Variants in COL22A1 observed in about 807,000 individuals in gnomAD.
COL22A1 encodes the protein collagen type XXII alpha 1 chain.
A neutral mutation model predicts 248.9 loss-of-function variants in COL22A1; 221 were observed. The ratio of observed to expected loss-of-function variants is 0.89; its 90% CI spans 0.80 to 0.99. COL22A1 has a LOEUF of 0.99. Ranked by LOEUF, COL22A1 falls within the 50% of genes least tolerant of loss-of-function variation. COL22A1 has a pLI of 0.00. For missense variants in COL22A1, 2,240 were observed against 2,179.0 expected (o/e 1.03, Z -0.56); for synonymous variants, 891 against 793.4 (o/e 1.12, Z -2.07).
intron 22 of COL22A1, among the ~76,000 whole-genome samples, chr8:138,739,237 C>T (rs1831367445): frequency 6.6e-6 from 1 of 152,166 alleles, no homozygotes. Flanking sequence ...TTCTCATTTC[C>T]ATGTACTTTT....
chr8:138,617,010 G>A (rs748647540), intron 53 of COL22A1, 52 bp from the exon 54 acceptor site: 2 of 1,602,488 alleles, frequency 1.2e-6, no homozygotes, highest in Admixed American at 3.3e-5. Flanking sequence ...TCTTGGGGCA[G>A]AAGTGGGCAG....
chr8:138,636,604 A>T, intron 48 of COL22A1, 138 bp downstream of exon 48: 1 of 694,566 alleles, frequency 1.4e-6, no homozygotes, highest in Non-Finnish European at 2.5e-6. Flanking sequence ...CCAAGATGAA[A>T]ACCATAAAAA....
intron 3 of COL22A1, among the ~76,000 whole-genome samples, chr8:138,862,230 T>G (rs1822538347): frequency 6.6e-6 from 1 of 151,594 alleles, no homozygotes; most frequent in Admixed American, 6.6e-5. Flanking sequence ...AATGAAGAAA[T>G]ACATAAATAA....
At position 138,685,117 on chromosome 8, in the gene COL22A1, T is replaced by C. The variant is rs1826240345; in HGVS notation, c.2967+91A>G. The C allele has an allele frequency of 3.2e-6, 3 of 925,130 alleles. No homozygotes were observed. In the South Asian group the frequency reaches 4.4e-5, roughly 13 times the overall value. 57.3% of individuals were successfully genotyped at this position (925,130 alleles called of 1,614,324 possible). A position where few individuals can be genotyped will look rare whatever the true frequency, so the allele number is the denominator to read the frequency against. On this transcript the variant is annotated intron_variant, in intron 38 of 64. Coordinates refer to ENST00000303045, the MANE Select transcript of COL22A1 (RefSeq NM_152888.3). ...ATTTCATTGGCCACGGTTCAATTTC[T>C]GCAAAGTTTGGCAGTTAGATTTTTT...
In COL22A1 at chr8:138,811,798, C is replaced by G. The variant is rs1195512505; in HGVS notation, c.1449+1G>C. 1 of 1,612,542 alleles carries G rather than the reference C, an allele frequency of 6.2e-7. No homozygotes were observed. Among genetic ancestry groups the G allele is most frequent in the Non-Finnish European group, 8.5e-7 (1 of 1,179,788 alleles). On this transcript the variant is annotated splice_donor_variant, in intron 9 of 64. Transcript: ENST00000303045. LOFTEE classifies it high-confidence loss of function. ...GGCTGAAGGTGGACTGCAGACAATA[C>G]CTTCTCTCCAGCTGGGCAGGAGCAG...
intron 35 of COL22A1, among the ~76,000 whole-genome samples, chr8:138,692,744 C>T (rs1827193528): frequency 6.6e-6 from 1 of 151,984 alleles, no homozygotes; most frequent in African/African-American, 2.4e-5. Context: ...GGAGAACACT[C>T]CCAGCTTCCT....
intron 21 of COL22A1, among the ~76,000 whole-genome samples, chr8:138,752,554 C>A (rs7837487): frequency 0.22 from 33,956 of 152,086 alleles, 4,663 homozygotes; most frequent in African/African-American, 0.4. Context: ...AAAGAGAAGG[C>A]CCTAAAGGCA....
chr8:138,810,154 G>A (rs747307977), intron 9 of COL22A1, among the ~76,000 whole-genome samples: 15 of 152,260 alleles, frequency 9.9e-5, no homozygotes, highest in Admixed American at 2.0e-4. Context: ...GAGGGAAGGA[G>A]GAAGGAAGGA....
At chr8:138,606,095 G>T (rs1386614778) in intron 58 of COL22A1, among the ~76,000 whole-genome samples, 1 of 152,214 alleles carries the variant, frequency 6.6e-6, no homozygotes, top group African/African-American at 2.4e-5. Flanking sequence ...AGAAGTAGAT[G>T]CTGTCGTTAT....
intron 3 of COL22A1, among the ~76,000 whole-genome samples, chr8:138,867,490 T>C (rs960915907): frequency 1.3e-5 from 2 of 152,178 alleles, no homozygotes; most frequent in Non-Finnish European, 2.9e-5. Context: ...TTGGTAACTA[T>C]CTGCCAGATT....
Position 138,780,965 on chromosome 8 carries a change from G to C in COL22A1, c.1612C>G (p.Pro538Ala), listed in dbSNP as rs1181125711. The C allele has an allele frequency of 6.2e-7, 1 of 1,607,224 alleles. No homozygotes were observed. The highest frequency in any genetic ancestry group is 8.5e-7 in the Non-Finnish European group (1 of 1,177,682). The change falls in exon 13 of 65, where the codon CCC (proline) becomes GCC (alanine). Residue 538 changes from proline (P) to alanine (A), a missense_variant. Coordinates refer to ENST00000303045, the MANE Select transcript of COL22A1 (RefSeq NM_152888.3). Reference protein sequence around the residue: ...EKGEKGSLGLPGPPGRDGSKG... With the variant: ...EKGEKGSLGLAGPPGRDGSKG... Reference sequence around the variant, plus strand: ...CTGCCGTCTCTCCCAGGGGGGCCGGGCAGGCCCAGGGAACCCTAAAGCCAA... The same window carrying C: ...CTGCCGTCTCTCCCAGGGGGGCCGGCCAGGCCCAGGGAACCCTAAAGCCAA...
At chr8:138,598,115 G>A (rs1030083663) in intron 61 of COL22A1, among the ~76,000 whole-genome samples, 5 of 152,216 alleles carry the variant, frequency 3.3e-5, no homozygotes, top group East Asian at 1.9e-4. Flanking sequence ...TTTATAGCCC[G>A]TGTATGCCTG....
chr8:138,804,343 G>A (rs1024880659), intron 10 of COL22A1, among the ~76,000 whole-genome samples: 5 of 152,140 alleles, frequency 3.3e-5, no homozygotes, highest in African/African-American at 1.2e-4. Context: ...TGCAGGAGCC[G>A]GGCAGGTCTC....
At chr8:138,725,280 C>T (rs1490856860) in intron 24 of COL22A1, 107 bp downstream of exon 24, 26 of 1,183,558 alleles carry the variant, frequency 2.2e-5, no homozygotes, top group Non-Finnish European at 3.3e-5. Context: ...TTGCACTGGA[C>T]TTGGGTGGAT....
At chr8:138,608,569 C>T (rs1455657315) in intron 56 of COL22A1, among the ~76,000 whole-genome samples, 2 of 152,210 alleles carry the variant, frequency 1.3e-5, no homozygotes, top group Admixed American at 6.5e-5. Flanking sequence ...AGGACTGAGG[C>T]TTCCAAGTCT....
Position 138,685,305 on chromosome 8 carries a change from G to A in COL22A1, c.2870C>T (p.Ala957Val), listed in dbSNP as rs1269287631. ...TGGCCCTGGGCTGCCTTCTTCCCCC[G>A]CTGCACCCTGGAAAGAAAAGTAGAC... Reference protein sequence around the residue: ...KDGERGEKGAAGEEGSPGPVG... With the variant: ...KDGERGEKGAVGEEGSPGPVG... The change falls in exon 38 of 65, where the codon GCG becomes GTG. Residue 957 changes from alanine (A) to valine (V), a missense_variant. Physicochemically the swap from Ala to Val is moderately conservative, Grantham distance 64. Coordinates refer to ENST00000303045, the MANE Select transcript of COL22A1 (RefSeq NM_152888.3). 31 of 1,613,042 alleles carry A rather than the reference G, an allele frequency of 1.9e-5. No homozygotes were observed. The highest frequency in any genetic ancestry group is 5.5e-5 in the South Asian group (5 of 90,996).
chr8:138,625,672 A>G (rs550749575), intron 51 of COL22A1, among the ~76,000 whole-genome samples: 1 of 152,330 alleles, frequency 6.6e-6, no homozygotes, highest in African/African-American at 2.4e-5. Context: ...TATGCATACA[A>G]AATTGTCCGT....
At chr8:138,851,858 G>C (rs1379632807) in intron 3 of COL22A1, among the ~76,000 whole-genome samples, 1 of 152,196 alleles carries the variant, frequency 6.6e-6, no homozygotes, top group East Asian at 1.9e-4. Flanking sequence ...CTGCCATCCA[G>C]TGAGAAAGAT....
rs767673697 is a variant in COL22A1, at chr8:138,821,276, G to C, written c.1105C>G (p.Leu369Val). The part of the protein sequence containing the change: ...LFDRDWHKMA[L>V]SIQAQNVSLH... ...GAGACGTTCTGGGCCTGGATGCTCA[G>C]GGCCATCTTGTGCCAGTCCCGGTCA... is the stretch of plus-strand genomic sequence containing the variant. The change falls in exon 7 of 65, where the codon CTG (leucine) becomes GTG (valine). Residue 369 changes from leucine to valine, a missense_variant. Physicochemically the swap from Leu to Val is conservative, Grantham distance 32 (BLOSUM62 1). Transcript: ENST00000303045. 1.4e-5 allele frequency: 23 copies of C among 1,614,072 alleles called. No homozygotes were observed. Among genetic ancestry groups the C allele is most frequent in the Non-Finnish European group, 1.9e-5 (22 of 1,180,036 alleles).
Sources: gnomAD v4.1 joint callset for allele counts (sites outside exome capture counted in the v4.1 genomes callset) on GRCh38, gnomAD v4.1.1 for gene constraint, MANE v1.5 for transcripts, NCBI Gene and HGNC (gene_info 2026-07-23, HGNC 2026-07-21) for gene names.